The following S100Z variants were observed in gnomAD, a reference collection of about 807,000 sequenced individuals.
The protein encoded by S100Z is S100 calcium binding protein Z.
A neutral mutation model predicts 8.5 loss-of-function variants in S100Z; 11 were observed. The ratio of observed to expected loss-of-function variants is 1.30; its 90% CI spans 0.82 to 2.15. The LOEUF is 2.15. Among genes scored for constraint, S100Z ranks in the 30% most tolerant of loss-of-function variants. S100Z has a pLI of 0.00. For synonymous variants in S100Z, 34 were observed against 43.8 expected (o/e 0.78, Z 0.89); for missense variants, 126 against 117.9 (o/e 1.07, Z -0.32).
At chr5:76,929,308 T>C in the S100Z span, among the ~76,000 whole-genome samples, 1 of 152,228 alleles carries the variant, frequency 6.6e-6, no homozygotes, top group Non-Finnish European at 1.5e-5. Context: ...CAAATGAGGC[T>C]TTGATTTGTA....
At chr5:76,944,723 A>G in the S100Z span, among the ~76,000 whole-genome samples, 1 of 152,184 alleles carries the variant, frequency 6.6e-6, no homozygotes, top group Non-Finnish European at 1.5e-5. Flanking sequence ...TTTTAGATCT[A>G]TTCTAAGGCA....
rs12653224 is a variant in S100Z, at chr5:76,852,345, C to T, written c.-176+2190C>T. On this transcript the variant is annotated intron_variant, in intron 1 of 4. Coordinates refer to ENST00000317593, the MANE Select transcript of S100Z (RefSeq NM_130772.4). ...TGCCTGTTTACACTAGCAGCCTGGC[C>T]GTGGAAGCAGGCTGATGCTCCCTGT... is the stretch of plus-strand genomic sequence containing the variant. Among the ~76,000 whole-genome samples, 5 of 152,132 alleles carry T rather than the reference C, an allele frequency of 3.3e-5. No individual in the cohort carries two copies. The East Asian group carries it at 9.7e-4, about 29-fold the overall frequency.
chr5:76,879,203 A>T (rs1177746699), intron 4 of S100Z, among the ~76,000 whole-genome samples: 1 of 151,846 alleles, frequency 6.6e-6, no homozygotes, highest in African/African-American at 2.4e-5. Context: ...TGTTGTTGGG[A>T]TGTGGATGTG....
intron 3 of S100Z, among the ~76,000 whole-genome samples, chr5:76,876,903 G>T (rs576699535): frequency 1.2e-4 from 18 of 152,284 alleles, no homozygotes; most frequent in Non-Finnish European, 2.1e-4. Flanking sequence ...CACAGGAGAG[G>T]TGGGTGCTTC....
chr5:76,860,030 C>A (rs1751010634), intron 1 of S100Z, among the ~76,000 whole-genome samples: 1 of 152,150 alleles, frequency 6.6e-6, no homozygotes, highest in Non-Finnish European at 1.5e-5. Context: ...TGGCAGAAAT[C>A]AGTCTTGAAT....
At chr5:76,857,416 C>T (rs919502321) in intron 1 of S100Z, among the ~76,000 whole-genome samples, 1 of 151,914 alleles carries the variant, frequency 6.6e-6, no homozygotes, top group East Asian at 1.9e-4. Context: ...GATACCCGTG[C>T]TTCCATATAT....
At chr5:76,852,517 C>T (rs1750760474) in intron 1 of S100Z, among the ~76,000 whole-genome samples, 1 of 152,062 alleles carries the variant, frequency 6.6e-6, no homozygotes, top group African/African-American at 2.4e-5. Flanking sequence ...TGAGAATAGC[C>T]TGGCCAACAT....
intron 3 of S100Z, among the ~76,000 whole-genome samples, chr5:76,876,580 A>T (rs1384861376): frequency 1.3e-5 from 2 of 152,100 alleles, no homozygotes; most frequent in Non-Finnish European, 2.9e-5. Context: ...TATGTTGGCC[A>T]GGCTGGTCTC....
At chr5:76,850,377 A>T (rs1750692470) in intron 1 of S100Z, among the ~76,000 whole-genome samples, 1 of 151,570 alleles carries the variant, frequency 6.6e-6, no homozygotes, top group South Asian at 2.1e-4. Flanking sequence ...CAGCCTGATC[A>T]TAGCTCGGAG....
At chr5:76,912,988 CAAA>C (rs1561250478) in intron 4 of S100Z, among the ~76,000 whole-genome samples, 2 of 151,790 alleles carry the variant, frequency 1.3e-5, no homozygotes, top group Admixed American at 6.6e-5. Flanking sequence ...CAGAAGGAGA[CAAA>C]GAAGAAGTCA....
chr5:76,872,906 G>A (rs13178555), intron 2 of S100Z, among the ~76,000 whole-genome samples: 106 of 152,210 alleles, frequency 7.0e-4, no homozygotes, highest in African/African-American at 2.0e-3. Flanking sequence ...CCAGGAGGTC[G>A]AGGCTGCAGT....
At chr5:76,924,811 G>A (rs1006136383), downstream of S100Z, among the ~76,000 whole-genome samples, 5 of 152,146 alleles carry the variant, frequency 3.3e-5, no homozygotes, top group African/African-American at 1.2e-4. Flanking sequence ...CACTCTGGAG[G>A]CTGAGGTAGG....
intron 3 of S100Z, among the ~76,000 whole-genome samples, chr5:76,876,125 C>G (rs541327288): frequency 6.6e-5 from 10 of 152,126 alleles, no homozygotes; most frequent in Non-Finnish European, 1.2e-4. Context: ...AAACACTTCA[C>G]GCTGGTGTTT....
chr5:76,907,011 T>TAC (rs1744474362), intron 4 of S100Z, among the ~76,000 whole-genome samples: 1 of 108,702 alleles, frequency 9.2e-6, no homozygotes, highest in Non-Finnish European at 1.6e-5. Flanking sequence ...TATATATATA[T>TAC]ATATATATAT....
At chr5:76,854,179 A>AT (rs935660341) in intron 1 of S100Z, among the ~76,000 whole-genome samples, 1 of 152,188 alleles carries the variant, frequency 6.6e-6, no homozygotes, top group Non-Finnish European at 1.5e-5. Flanking sequence ...AGAATGGACT[A>AT]ATACAGAAAA....
chr5:76,881,024 G>T (rs1049463991), intron 4 of S100Z, among the ~76,000 whole-genome samples: 1 of 152,164 alleles, frequency 6.6e-6, no homozygotes, highest in Non-Finnish European at 1.5e-5. Context: ...GAGAGGTAGA[G>T]AGTGGCATAA....
the S100Z span, among the ~76,000 whole-genome samples, chr5:76,936,953 A>C: frequency 6.6e-6 from 1 of 152,148 alleles, no homozygotes; most frequent in African/African-American, 2.4e-5. Context: ...TTCACCCAAC[A>C]GGAGTATGGA....
downstream of S100Z, among the ~76,000 whole-genome samples, chr5:76,925,159 T>C (rs1216031047): frequency 2.0e-5 from 3 of 151,142 alleles, no homozygotes; most frequent in Admixed American, 2.0e-4. Flanking sequence ...AGTGGCTAGA[T>C]AGAGAGAGAG....
intron 4 of S100Z, among the ~76,000 whole-genome samples, chr5:76,878,795 C>A (rs1380186694): frequency 6.6e-6 from 1 of 152,072 alleles, no homozygotes; most frequent in East Asian, 1.9e-4. Context: ...TATATCAGAC[C>A]AGCAGTTCAG....
Sources: gnomAD v4.1 joint callset for allele counts (sites outside exome capture counted in the v4.1 genomes callset) on GRCh38, gnomAD v4.1.1 for gene constraint, MANE v1.5 for transcripts, NCBI Gene and HGNC (gene_info 2026-07-23, HGNC 2026-07-21) for gene names.